Variants in RYR3 observed in about 807,000 individuals in gnomAD.
The protein encoded by RYR3 is ryanodine receptor 3, also known as brain ryanodine receptor-calcium release channel.
Under a neutral mutation model 584.3 loss-of-function variants are expected in RYR3, and 207 were observed. The observed-to-expected ratio is 0.35, with a 90% confidence interval of 0.32 to 0.40. The LOEUF is 0.40. Among genes scored for constraint, RYR3 ranks in the 10% least tolerant of loss-of-function variants. The pLI is 1.00. For missense variants in RYR3, 5,616 were observed against 6,089.2 expected, an observed-to-expected ratio of 0.92 and a Z score of 2.59; for synonymous variants, 2,416 against 2,248.5, an observed-to-expected ratio of 1.07 and a Z score of -2.11.
chr15:33,860,518 A>G, intron 100 of RYR3, 77 bp from the exon 101 acceptor site: 1 of 831,294 alleles, frequency 1.2e-6, no homozygotes, highest in South Asian at 2.2e-5. Flanking sequence ...AACAGAACAA[A>G]GTAGCTTCTT....
intron 85 of RYR3, 127 bp from the exon 86 acceptor site, chr15:33,830,836 T>C: frequency 4.6e-6 from 4 of 861,788 alleles, no homozygotes; most frequent in Non-Finnish European, 6.9e-6. Flanking sequence ...CTTCACAGGG[T>C]CCCTGGCTCC....
chr15:33,838,583 C>T lies in RYR3; in HGVS notation c.12603C>T (p.Thr4201=), dbSNP rs1205993775. The part of the protein sequence containing the change: ...LFVGLFQLLF[T]ILGGIFQILW... The stretch of plus-strand genomic sequence containing the variant: ...TGGGGCTATTCCAGTTGCTCTTCAC[C>T]ATCCTGGGAGGAATCTTTCAGATCC... The change falls in exon 89 of 104, where the codon ACC becomes ACT. Residue 4201 remains threonine, a synonymous_variant. Coordinates refer to ENST00000634891, the MANE Select transcript of RYR3 (RefSeq NM_001036.6). The T allele has an allele frequency of 3.1e-6, 5 of 1,613,800 alleles. No homozygotes were observed. The highest frequency in any genetic ancestry group is 2.2e-5 in the South Asian group (2 of 91,072).
intron 1 of RYR3, among the ~76,000 whole-genome samples, chr15:33,348,504 T>C: frequency 6.6e-6 from 1 of 152,160 alleles, no homozygotes. Context: ...AGATGGAGTT[T>C]CACTCTTTTT....
intron 74 of RYR3, among the ~76,000 whole-genome samples, chr15:33,815,017 C>T (rs1380036251): frequency 6.8e-6 from 1 of 147,180 alleles, no homozygotes; most frequent in Non-Finnish European, 1.5e-5. Flanking sequence ...TTGCAGTGAA[C>T]AGAGGTAACA....
At chr15:33,597,707 A>G (rs543711387) in intron 16 of RYR3, among the ~76,000 whole-genome samples, 2 of 152,108 alleles carry the variant, frequency 1.3e-5, no homozygotes, top group Non-Finnish European at 2.9e-5. Context: ...AATAAGGACT[A>G]AACAGGAACT....
At chr15:33,526,770 A>C (rs544860581) in intron 3 of RYR3, among the ~76,000 whole-genome samples, 1 of 152,294 alleles carries the variant, frequency 6.6e-6, no homozygotes, top group African/African-American at 2.4e-5. Flanking sequence ...CAGAGGATAC[A>C]ACATGGTCAT....
At chr15:33,623,273 G>A (rs372452833) in intron 19 of RYR3, among the ~76,000 whole-genome samples, 12 of 152,260 alleles carry the variant, frequency 7.9e-5, no homozygotes, top group South Asian at 2.1e-4. Flanking sequence ...AAGTAACCTC[G>A]CCAGCCATGT....
At chr15:33,846,052 A>G (rs2078704888) in intron 93 of RYR3, among the ~76,000 whole-genome samples, 1 of 152,202 alleles carries the variant, frequency 6.6e-6, no homozygotes, top group Admixed American at 6.5e-5. Context: ...AACTGGAAGG[A>G]TGGGCTCAGC....
chr15:33,311,039 G>C lies in RYR3; in HGVS notation c.-7G>C. 6.3e-7 allele frequency: 1 copy of C among 1,579,574 alleles called. No individual in the cohort carries two copies. On this transcript the variant is annotated 5_prime_UTR_variant, in exon 1 of 104. Transcript: ENST00000634891. This position sits in a 1 kb window ranked among gnomAD's most constrained non-coding sequence, Gnocchi z 4.4. Reference sequence around the variant, plus strand: ...GAGGCTGGGGCACCGCCGACGCCTCGGGAGCCATGGCCGAAGGGGGAGAAG... The same window carrying C: ...GAGGCTGGGGCACCGCCGACGCCTCCGGAGCCATGGCCGAAGGGGGAGAAG...
chr15:33,354,362 A>T (rs548813930), intron 1 of RYR3, among the ~76,000 whole-genome samples: 9 of 152,336 alleles, frequency 5.9e-5, no homozygotes, highest in Admixed American at 6.5e-5. Context: ...CTGGTAGAGC[A>T]TTGCCTCTTG....
chr15:33,314,294 T>C (rs557013192), intron 1 of RYR3, among the ~76,000 whole-genome samples: 2 of 152,318 alleles, frequency 1.3e-5, no homozygotes, highest in South Asian at 2.1e-4. Context: ...TCTCTTCCGA[T>C]TGCTCTTGCT....
chr15:33,558,831 C>T (rs2152476716), intron 10 of RYR3, among the ~76,000 whole-genome samples: 1 of 152,166 alleles, frequency 6.6e-6, no homozygotes, highest in African/African-American at 2.4e-5. Context: ...CTCACAGTTC[C>T]CAAGAGGAAT....
chr15:33,627,293 A>T (rs780968246), intron 20 of RYR3, among the ~76,000 whole-genome samples: 4 of 152,170 alleles, frequency 2.6e-5, no homozygotes, highest in Non-Finnish European at 5.9e-5. Context: ...ATAATAATAA[A>T]AAATCTGAGA....
rs776460570 is a variant in RYR3, at chr15:33,566,686, C to T, written c.1155C>T (p.Leu385=). Residue 385 remains leucine (L), a synonymous_variant, in exon 12 of 104, where the codon CTC becomes CTT. Coordinates refer to ENST00000634891, the MANE Select transcript of RYR3 (RefSeq NM_001036.6). ...CCTTGCCCTGTGGGTAGGTCATACT[C>T]CATCAGGAAGGCCACATGGATGATG... The part of the protein sequence containing the change: ...RLGPLKRKVI[L]HQEGHMDDGL... 6.2e-7 allele frequency: 1 copy of T among 1,613,670 alleles called. No individual in the cohort carries two copies. The highest frequency in any genetic ancestry group is 8.5e-7 in the Non-Finnish European group (1 of 1,179,664).
chr15:33,432,523 T>G (rs932788409), intron 1 of RYR3, among the ~76,000 whole-genome samples: 2 of 152,054 alleles, frequency 1.3e-5, no homozygotes, highest in African/African-American at 4.8e-5. Flanking sequence ...ATTCTTGAGA[T>G]AGTCAACCGT....
chr15:33,833,814 C>T (rs910053879), intron 86 of RYR3, among the ~76,000 whole-genome samples: 4 of 152,154 alleles, frequency 2.6e-5, no homozygotes, highest in Admixed American at 2.0e-4. Flanking sequence ...CAGTATTTCT[C>T]CTCACCTTTT....
At chr15:33,697,750 TTTC>T in intron 39 of RYR3, 129 bp from the exon 40 acceptor site, 2 of 609,478 alleles carry the variant, frequency 3.3e-6, no homozygotes, top group Non-Finnish European at 6.0e-6. Flanking sequence ...GAACTAGTGC[TTTC>T]TTATTATCTT....
chr15:33,733,719 T>C (rs995908326), intron 48 of RYR3, among the ~76,000 whole-genome samples: 6 of 152,172 alleles, frequency 3.9e-5, no homozygotes, highest in Non-Finnish European at 5.9e-5. Context: ...TGAACCCTAA[T>C]GTAAATTATG....
chr15:33,665,801 C>G (rs2063464135), intron 36 of RYR3, among the ~76,000 whole-genome samples: 1 of 152,248 alleles, frequency 6.6e-6, no homozygotes, highest in South Asian at 2.1e-4. Flanking sequence ...ATCCAAAAGA[C>G]TTTCTCATTT....
Sources: gnomAD v4.1 joint callset for allele counts (sites outside exome capture counted in the v4.1 genomes callset) on GRCh38, gnomAD v4.1.1 for gene constraint, Gnocchi (gnomAD v3.1) non-coding constraint, MANE v1.5 for transcripts, NCBI Gene and HGNC (gene_info 2026-07-23, HGNC 2026-07-21) for gene names.